TNFRSF6B: variants seen among roughly 807,000 people sequenced by gnomAD.
The protein encoded by TNFRSF6B is TNF receptor superfamily member 6b.
A neutral mutation model predicts 17.9 loss-of-function variants in TNFRSF6B; 23 were observed. The observed-to-expected ratio is 1.28, with a 90% CI of 0.92 to 1.82. TNFRSF6B has a LOEUF of 1.82. TNFRSF6B is among the 40% of genes most tolerant of loss of function. TNFRSF6B has a pLI of 0.00. For synonymous variants in TNFRSF6B, 291 were observed against 195.8 expected (o/e 1.49, Z -4.06); for missense variants, 555 against 437.2 (o/e 1.27, Z -2.40).
At position 63,698,566 on chromosome 20, in the gene TNFRSF6B, C is replaced by T. The variant is rs1270503048; in HGVS notation, c.*3C>T. On this transcript the variant is annotated 3_prime_UTR_variant, in exon 3 of 3. Transcript: ENST00000369996. ...AGCGCTTCCTCCCTGTGCACTGATCCTGGCCCCCTCTTATTTATTCTACAT... is the reference window on the plus strand; with the variant it reads ...AGCGCTTCCTCCCTGTGCACTGATCTTGGCCCCCTCTTATTTATTCTACAT... 6 of 1,485,770 alleles carry T rather than the reference C, an allele frequency of 4.0e-6. No homozygotes were observed. Among genetic ancestry groups the T allele is most frequent in the Non-Finnish European group, 5.3e-6 (6 of 1,123,960 alleles). The allele number at this position is 1,485,770 out of a possible 1,614,324, so 92.0% of individuals were successfully genotyped here. A position where few individuals can be genotyped will look rare whatever the true frequency, so the allele number is the denominator to read the frequency against.
Position 63,696,971 on chromosome 20 carries a change from G to A in TNFRSF6B, c.204G>A (p.Thr68=), listed in dbSNP as rs765564244. ...VQRPCRRDSP[T]TCGPCPPRHY... is the part of the protein sequence containing the mutation. ...GGCCGTGCCGCCGAGACAGCCCCAC[G>A]ACGTGTGGCCCGTGTCCACCGCGCC... The change falls in exon 1 of 3, where the codon ACG becomes ACA. Residue 68 remains threonine (T), a synonymous_variant. Coordinates refer to ENST00000369996, the MANE Select transcript of TNFRSF6B (RefSeq NM_003823.4). 1.3e-4 allele frequency: 206 copies of A among 1,609,304 alleles called. No homozygotes were observed. Among genetic ancestry groups the A allele is most frequent in the Non-Finnish European group, 1.5e-4 (181 of 1,179,286 alleles).
rs2091039623 is a variant in TNFRSF6B, at chr20:63,698,609, C to T, written c.*46C>T. 1 of 1,439,502 alleles carries T rather than the reference C, an allele frequency of 6.9e-7. No individual in the cohort carries two copies. The highest frequency in any genetic ancestry group is 1.5e-5 in the African/African-American group (1 of 66,738). The allele number at this position is 1,439,502 out of a possible 1,614,324, so 89.2% of individuals were successfully genotyped here. ...TTCTACATCCTTGGCACCCCACTTG[C>T]ACTGAAAGAGGCTTTTTTTTAAATA... is the stretch of plus-strand genomic sequence containing the variant. On this transcript the variant is annotated 3_prime_UTR_variant, in exon 3 of 3. Transcript: ENST00000369996.
Position 63,698,336 on chromosome 20 carries a change from A to T in TNFRSF6B, c.676A>T (p.Ile226Phe), listed in dbSNP as rs762255968. The T allele has an allele frequency of 3.1e-6, 5 of 1,611,408 alleles. No individual in the cohort carries two copies. The East Asian group carries it at 1.1e-4, about 36-fold the overall frequency. The change falls in exon 3 of 3, where the codon ATC (isoleucine) becomes TTC (phenylalanine). Residue 226 changes from isoleucine (I) to phenylalanine (F), a missense_variant. Ile to Phe is a conservative substitution (Grantham distance 21). Transcript: ENST00000369996. ...CTTTGTGGCTTTCCAGGACATCTCCATCAAGAGGCTGCAGCGGCTGCTGCA... is the reference window on the plus strand; with the variant it reads ...CTTTGTGGCTTTCCAGGACATCTCCTTCAAGAGGCTGCAGCGGCTGCTGCA... ...IDFVAFQDIS[I>F]KRLQRLLQAL...
At chr20:63,698,230 A>AGT in intron 2 of TNFRSF6B, 50 bp from the exon 3 acceptor site, 1 of 1,595,690 alleles carries the variant, frequency 6.3e-7, no homozygotes, top group East Asian at 2.3e-5. Context: ...AGCCCCCGCC[A>AGT]GTGTGTGTGG....
Position 63,698,364 on chromosome 20 carries a change from C to T in TNFRSF6B, c.704C>T (p.Ala235Val). ...AAGAGGCTGCAGCGGCTGCTGCAGG[C>T]CCTCGAGGCCCCGGAGGGCTGGGGT... ...SIKRLQRLLQALEAPEGWGPT... is the reference protein window; with the variant it reads ...SIKRLQRLLQVLEAPEGWGPT... The change falls in exon 3 of 3, where the codon GCC becomes GTC. Residue 235 changes from alanine to valine, a missense_variant. Transcript: ENST00000369996. 1 of 1,609,788 alleles carries T rather than the reference C, an allele frequency of 6.2e-7. No individual in the cohort carries two copies. Among genetic ancestry groups the T allele is most frequent in the South Asian group, 1.1e-5 (1 of 90,918 alleles).
At chr20:63,697,307 G>A (rs1369807313) in intron 1 of TNFRSF6B, 21 bp from the exon 2 acceptor site, 1 of 1,603,582 alleles carries the variant, frequency 6.2e-7, no homozygotes, top group Non-Finnish European at 8.5e-7. Flanking sequence ...CCCTGACCCT[G>A]TTCTTCCCTC....
chr20:63,697,620 C>T, intron 2 of TNFRSF6B, 98 bp downstream of exon 2: 2 of 1,326,062 alleles, frequency 1.5e-6, no homozygotes, highest in South Asian at 1.6e-5. Context: ...GGCATGCCAG[C>T]TGGCTCTGGG....
In TNFRSF6B at chr20:63,696,980, C is replaced by T. The variant is rs748099477; in HGVS notation, c.213C>T (p.Gly71=). 4 of 1,609,120 alleles carry T rather than the reference C, an allele frequency of 2.5e-6. No homozygotes were observed. The highest frequency in any genetic ancestry group is 4.5e-5 in the East Asian group (2 of 44,782). The change falls in exon 1 of 3, where the codon GGC becomes GGT. Residue 71 remains glycine (G), a synonymous_variant. Transcript: ENST00000369996. Reference sequence around the variant, plus strand: ...GCCGAGACAGCCCCACGACGTGTGGCCCGTGTCCACCGCGCCACTACACGC... The same window carrying T: ...GCCGAGACAGCCCCACGACGTGTGGTCCGTGTCCACCGCGCCACTACACGC... ...PCRRDSPTTC[G]PCPPRHYTQF... is the part of the protein sequence containing the mutation.
At position 63,697,069 on chromosome 20, in the gene TNFRSF6B, A is replaced by C. The variant is rs369092916; in HGVS notation, c.302A>C (p.Glu101Ala). ...GTCCTCTGCGGGGAGCGTGAGGAGG[A>C]GGCACGGGCTTGCCACGCCACCCAC... ...CNVLCGEREEEARACHATHNR... is the reference protein window; with the variant it reads ...CNVLCGEREEAARACHATHNR... Residue 101 changes from glutamate to alanine, a missense_variant, in exon 1 of 3, where the codon GAG (glutamate) becomes GCG (alanine). Physicochemically the swap from Glu to Ala is moderately radical, Grantham distance 107. Coordinates refer to ENST00000369996, the MANE Select transcript of TNFRSF6B (RefSeq NM_003823.4). 1.1e-4 allele frequency: 176 copies of C among 1,606,500 alleles called. 1 individual carries two copies. Among genetic ancestry groups the C allele is most frequent in the South Asian group, 2.1e-4 (19 of 90,868 alleles).
At chr20:63,697,678 CCCA>C (rs1203790031) in intron 2 of TNFRSF6B, among the ~76,000 whole-genome samples, 156 bp downstream of exon 2, 2 of 152,228 alleles carry the variant, frequency 1.3e-5, no homozygotes, top group East Asian at 3.9e-4. Flanking sequence ...CCACTAGATC[CCCA>C]CCAAGTCTGC....
Position 63,697,038 on chromosome 20 carries a change from T to G in TNFRSF6B, c.271T>G (p.Cys91Gly). Residue 91 changes from cysteine to glycine, a missense_variant, in exon 1 of 3, where the codon TGC becomes GGC. Transcript: ENST00000369996. ...GAACTACCTAGAGCGCTGCCGCTAC[T>G]GCAACGTCCTCTGCGGGGAGCGTGA... ...FWNYLERCRY[C>G]NVLCGEREEE... 1.2e-6 allele frequency: 2 copies of G among 1,607,530 alleles called. No homozygotes were observed. Among genetic ancestry groups the G allele is most frequent in the Non-Finnish European group, 1.7e-6 (2 of 1,179,068 alleles).
rs1218310399 is a variant in TNFRSF6B, at chr20:63,697,327, G to A, written c.425-1G>A. The A allele has an allele frequency of 6.2e-7, 1 of 1,610,686 alleles. No individual in the cohort carries two copies. Among genetic ancestry groups the A allele is most frequent in the Non-Finnish European group, 8.5e-7 (1 of 1,179,266 alleles). On this transcript the variant is annotated splice_acceptor_variant, in intron 1 of 2. Transcript: ENST00000369996. LOFTEE classifies it high-confidence loss of function. ...ACCCTGTTCTTCCCTCCTGGCTGCAGGCACCCCCAGCCAGAACACGCAGTG... is the reference window on the plus strand; with the variant it reads ...ACCCTGTTCTTCCCTCCTGGCTGCAAGCACCCCCAGCCAGAACACGCAGTG...
intron 1 of TNFRSF6B, 37 bp downstream of exon 1, chr20:63,697,228 G>A: frequency 6.5e-7 from 1 of 1,550,368 alleles, no homozygotes; most frequent in Non-Finnish European, 8.7e-7. Context: ...CCCAGGAGTG[G>A]TGGCCGGAGG....
At chr20:63,697,605 C>T in intron 2 of TNFRSF6B, 83 bp downstream of exon 2, 5 of 1,386,002 alleles carry the variant, frequency 3.6e-6, no homozygotes, top group Non-Finnish European at 4.8e-6. Context: ...GTGCATCTAG[C>T]CTGAGGCATG....
Position 63,696,895 on chromosome 20 carries a change from C to T in TNFRSF6B, c.128C>T (p.Thr43Ile). The T allele has an allele frequency of 1.2e-6, 2 of 1,611,760 alleles. No homozygotes were observed. The highest frequency in any genetic ancestry group is 1.7e-6 in the Non-Finnish European group (2 of 1,179,448). The change falls in exon 1 of 3, where the codon ACA (threonine) becomes ATA (isoleucine). Residue 43 changes from threonine (T) to isoleucine (I), a missense_variant. By Grantham distance (89) the Thr-to-Ile change is moderately conservative. Transcript: ENST00000369996. ...TPTYPWRDAE[T>I]GERLVCAQCP... ...ACCTACCCCTGGCGGGACGCAGAGA[C>T]AGGGGAGCGGCTGGTGTGCGCCCAG...
chr20:63,698,445 C>T lies in TNFRSF6B; in HGVS notation c.785C>T (p.Thr262Met), dbSNP rs766509761. Residue 262 changes from threonine to methionine, a missense_variant, in exon 3 of 3, where the codon ACG becomes ATG. Coordinates refer to ENST00000369996, the MANE Select transcript of TNFRSF6B (RefSeq NM_003823.4). ...CAGCTGAAGCTGCGTCGGCGGCTCACGGAGCTCCTGGGGGCGCAGGACGGG... is the reference window on the plus strand; with the variant it reads ...CAGCTGAAGCTGCGTCGGCGGCTCATGGAGCTCCTGGGGGCGCAGGACGGG... The part of the protein sequence containing the change: ...ALQLKLRRRL[T>M]ELLGAQDGAL... 6.2e-5 allele frequency: 98 copies of T among 1,568,180 alleles called. No individual in the cohort carries two copies. The Admixed American group carries it at 1.0e-3, about 16-fold the overall frequency.
chr20:63,698,682 A>G lies in TNFRSF6B; in HGVS notation c.*119A>G, dbSNP rs1482027480. 1 of 1,249,750 alleles carries G rather than the reference A, an allele frequency of 8.0e-7. No homozygotes were observed. Among genetic ancestry groups the G allele is most frequent in the African/African-American group, 1.6e-5 (1 of 62,442 alleles). 77.4% of individuals were successfully genotyped at this position (1,249,750 alleles called of 1,614,324 possible). A position where few individuals can be genotyped will look rare whatever the true frequency, so the allele number is the denominator to read the frequency against. ...CTTATTTTTATAAAGCTTTTTCATAAAACTGGTTGTAGTTGCACAGCTACT... is the reference window on the plus strand; with the variant it reads ...CTTATTTTTATAAAGCTTTTTCATAGAACTGGTTGTAGTTGCACAGCTACT... On this transcript the variant is annotated 3_prime_UTR_variant, in exon 3 of 3. Transcript: ENST00000369996.
At chr20:63,697,629 G>A in intron 2 of TNFRSF6B, 107 bp downstream of exon 2, 1 of 1,244,848 alleles carries the variant, frequency 8.0e-7, no homozygotes, top group Non-Finnish European at 1.1e-6. Context: ...GCTGGCTCTG[G>A]GAAGGGGCCA....
In TNFRSF6B at chr20:63,697,192, G is replaced by T. The variant is rs1237432319; in HGVS notation, c.424+1G>T. The T allele has an allele frequency of 6.4e-7, 1 of 1,557,856 alleles. No homozygotes were observed. The highest frequency in any genetic ancestry group is 1.9e-5 in the Admixed American group (1 of 52,386). On this transcript the variant is annotated splice_donor_variant, in intron 1 of 2. Coordinates refer to ENST00000369996, the MANE Select transcript of TNFRSF6B (RefSeq NM_003823.4). LOFTEE classifies it high-confidence loss of function. Reference sequence around the variant, plus strand: ...CCTGGTGCCGGCGTGATTGCCCCGGGTGAGAGCTGGGCGAGGGGAGGGGCC... The same window carrying T: ...CCTGGTGCCGGCGTGATTGCCCCGGTTGAGAGCTGGGCGAGGGGAGGGGCC...
Sources: allele counts gnomAD v4.1 joint callset (sites outside exome capture counted in the v4.1 genomes callset), GRCh38; gene constraint gnomAD v4.1.1; transcripts MANE v1.5; gene names NCBI Gene and HGNC (gene_info 2026-07-23, HGNC 2026-07-21).